Variants in KIAA1671 observed in about 807,000 individuals in gnomAD.
The protein encoded by KIAA1671 is KIAA1671, also known as uncharacterized protein KIAA1671.
KIAA1671 carries 52 observed loss-of-function variants against 131.2 expected under a neutral mutation model. That is an observed-to-expected ratio of 0.40 (90% confidence interval 0.32 to 0.50). The LOEUF is 0.50. Ranked by LOEUF, KIAA1671 falls within the 20% of genes least tolerant of loss-of-function variation. The pLI, the probability that KIAA1671 is intolerant of heterozygous loss-of-function variation, is 0.73. For synonymous variants in KIAA1671, 1,003 were observed against 961.6 expected (o/e 1.04, Z -0.80); for missense variants, 2,360 against 2,364.2 (o/e 1.00, Z 0.04).
At chr22:25,022,822 G>T (rs997998874) in intron 1 of KIAA1671, 1 of 152,432 alleles carries the variant, frequency 6.6e-6, no homozygotes, top group African/African-American at 2.4e-5. Flanking sequence ...TATGAAACTA[G>T]AGGTGGCTCA....
chr22:25,100,658 T>TA (rs1402309618), intron 6 of KIAA1671, among the ~76,000 whole-genome samples: 1 of 152,216 alleles, frequency 6.6e-6, no homozygotes, highest in African/African-American at 2.4e-5. Flanking sequence ...TCCTGGGTTA[T>TA]ACCTGTCAAC....
chr22:25,048,646 AG>A (rs1927368729), intron 5 of KIAA1671, among the ~76,000 whole-genome samples: 1 of 152,108 alleles, frequency 6.6e-6, no homozygotes, highest in Non-Finnish European at 1.5e-5. Flanking sequence ...TATATAACTA[AG>A]TGGAAAAAAA....
intron 6 of KIAA1671, among the ~76,000 whole-genome samples, chr22:25,163,409 T>C (rs577224991): frequency 1.8e-4 from 26 of 141,030 alleles, no homozygotes; most frequent in Middle Eastern, 7.1e-3. Flanking sequence ...ACAGTAAATA[T>C]TACTTCTGGA....
chr22:25,098,030 T>A (rs776850709), intron 6 of KIAA1671, among the ~76,000 whole-genome samples: 1 of 152,202 alleles, frequency 6.6e-6, no homozygotes, highest in Non-Finnish European at 1.5e-5. Context: ...CTTCTCCCTG[T>A]AGTCCACCCA....
intron 6 of KIAA1671, among the ~76,000 whole-genome samples, chr22:25,160,192 C>G (rs554036872): frequency 2.6e-5 from 4 of 152,334 alleles, no homozygotes; most frequent in African/African-American, 9.6e-5. Flanking sequence ...AGGGCAGGGC[C>G]TTGCTTGAGG....
chr22:25,158,745 A>G (rs984501730), intron 6 of KIAA1671, among the ~76,000 whole-genome samples: 3 of 152,284 alleles, frequency 2.0e-5, no homozygotes, highest in African/African-American at 7.2e-5. Context: ...CTTCTCATGC[A>G]GAAAGTGGGG....
At chr22:25,114,349 G>GC (rs1931546746) in intron 6 of KIAA1671, among the ~76,000 whole-genome samples, 2 of 152,340 alleles carry the variant, frequency 1.3e-5, no homozygotes, top group Admixed American at 6.5e-5. Context: ...ATTGAAGCAA[G>GC]CCCCCAGCAC....
chr22:25,074,852 T>C (rs976765929), intron 6 of KIAA1671, among the ~76,000 whole-genome samples: 2 of 152,348 alleles, frequency 1.3e-5, no homozygotes, highest in South Asian at 2.1e-4. Flanking sequence ...GGAGTGCAGA[T>C]ATCTTTATGG....
intron 11 of KIAA1671, among the ~76,000 whole-genome samples, chr22:25,188,856 G>C (rs939441582): frequency 2.0e-5 from 3 of 152,120 alleles, no homozygotes; most frequent in Non-Finnish European, 4.4e-5. Flanking sequence ...CTGCCTCAGG[G>C]GCGGCAGAGG....
At chr22:25,019,952 C>A (rs1041733372) in intron 1 of KIAA1671, among the ~76,000 whole-genome samples, 1 of 152,154 alleles carries the variant, frequency 6.6e-6, no homozygotes, top group Non-Finnish European at 1.5e-5. Context: ...GTTGTTTCAA[C>A]TAGGTGTTAT....
At chr22:25,138,939 G>A (rs1932763816) in intron 6 of KIAA1671, among the ~76,000 whole-genome samples, 1 of 152,146 alleles carries the variant, frequency 6.6e-6, no homozygotes, top group Non-Finnish European at 1.5e-5. Context: ...GTCTTTGGGT[G>A]CTTGGGAATC....
In KIAA1671 at chr22:25,028,471, A is replaced by G; in HGVS notation, c.472A>G (p.Lys158Glu). The part of the protein sequence containing the change: ...ETTKSGPALG[K>E]AVSEGAEEAK... The stretch of plus-strand genomic sequence containing the variant: ...CACCAAAAGCGGCCCCGCTCTGGGG[A>G]AGGCGGTTAGTGAGGGGGCGGAGGA... Residue 158 changes from lysine (K) to glutamate (E), a missense_variant, in exon 3 of 13, where the codon AAG becomes GAG. Physicochemically the swap from Lys to Glu is moderately conservative, Grantham distance 56 (BLOSUM62 1). Transcript: ENST00000358431. The G allele has an allele frequency of 1.3e-6, 2 of 1,550,156 alleles. No individual in the cohort carries two copies. The highest frequency in any genetic ancestry group is 8.7e-7 in the Non-Finnish European group (1 of 1,146,436).
At chr22:25,157,367 G>A (rs1933278443) in intron 6 of KIAA1671, among the ~76,000 whole-genome samples, 1 of 152,070 alleles carries the variant, frequency 6.6e-6, no homozygotes, top group Non-Finnish European at 1.5e-5. Flanking sequence ...GGCAGGGTCT[G>A]CCACCTGTTA....
At position 25,094,847 on chromosome 22, in the gene KIAA1671, C is replaced by G. The variant is rs1357432980; in HGVS notation, c.4530+45483C>G. 2.6e-5 allele frequency among the ~76,000 whole-genome samples: 4 copies of G among 152,134 alleles called. No homozygotes were observed. The East Asian group carries it at 7.7e-4, about 29-fold the overall frequency. On this transcript the variant is annotated intron_variant, in intron 6 of 12. Coordinates refer to ENST00000358431, the MANE Select transcript of KIAA1671 (RefSeq NM_001145206.2). ...GGGTGGATCTGGGAGCATCAGGAAGCCAGCCCTTCCTTCCTCTCTCTCCCT... is the reference window on the plus strand; with the variant it reads ...GGGTGGATCTGGGAGCATCAGGAAGGCAGCCCTTCCTTCCTCTCTCTCCCT...
chr22:25,151,257 T>C (rs888996280), intron 6 of KIAA1671, among the ~76,000 whole-genome samples: 1 of 151,304 alleles, frequency 6.6e-6, no homozygotes, highest in Non-Finnish European at 1.5e-5. Flanking sequence ...CCTTATGACA[T>C]ATCTGTATCC....
chr22:25,055,799 G>GATAGATATAGATATAGAT (rs61263852), intron 6 of KIAA1671: 9 of 128,326 alleles, frequency 7.0e-5, no homozygotes, highest in African/African-American at 1.7e-4. Flanking sequence ...GATAGATATA[G>GATAGATATAGATATAGAT]ATAGATATAG....
At chr22:25,125,449 T>G (rs1932132018) in intron 6 of KIAA1671, among the ~76,000 whole-genome samples, 1 of 152,178 alleles carries the variant, frequency 6.6e-6, no homozygotes, top group Admixed American at 6.5e-5. Context: ...AAGCATGGAC[T>G]CCAGCCCAGG....
intron 1 of KIAA1671, among the ~76,000 whole-genome samples, chr22:24,970,194 C>T (rs1432834218): frequency 4.6e-5 from 7 of 152,192 alleles, no homozygotes; most frequent in Non-Finnish European, 1.0e-4. Flanking sequence ...CCTTCCACCT[C>T]CCCCGCTGAC....
At chr22:25,020,526 G>GAAC (rs1602072485) in intron 1 of KIAA1671, among the ~76,000 whole-genome samples, 1 of 152,128 alleles carries the variant, frequency 6.6e-6, no homozygotes, top group African/African-American at 2.4e-5. Context: ...ATATAGCCAT[G>GAAC]AACAGGACCC....
Sources: allele counts gnomAD v4.1 joint callset (sites outside exome capture counted in the v4.1 genomes callset), GRCh38; gene constraint gnomAD v4.1.1; transcripts MANE v1.5; gene names NCBI Gene and HGNC (gene_info 2026-07-23, HGNC 2026-07-21).